HLCS: variants seen among roughly 807,000 people sequenced by gnomAD.
HLCS encodes holocarboxylase synthetase, also known as biotin--protein ligase.
HLCS carries 53 observed loss-of-function variants against 75.0 expected under a neutral mutation model. The ratio of observed to expected loss-of-function variants is 0.71; its 90% CI spans 0.57 to 0.89. The LOEUF is 0.89. HLCS is among the 40% of genes least tolerant of loss of function. The pLI is 0.00. For missense variants in HLCS, 966 were observed against 1,074.0 expected, an observed-to-expected ratio of 0.90 and a Z score of 1.41; for synonymous variants, 431 against 428.6, an observed-to-expected ratio of 1.01 and a Z score of -0.07.
chr21:36,951,283 G>A (rs188759521), intron 2 of HLCS, among the ~76,000 whole-genome samples: 1 of 152,036 alleles, frequency 6.6e-6, no homozygotes, highest in Non-Finnish European at 1.5e-5. Flanking sequence ...CCTTATCTAG[G>A]GCCATTCCCC....
At chr21:36,886,051 T>C (rs2064440438) in intron 6 of HLCS, among the ~76,000 whole-genome samples, 1 of 151,316 alleles carries the variant, frequency 6.6e-6, no homozygotes, top group East Asian at 2.0e-4. Flanking sequence ...CCAGCTTTTC[T>C]ACCATGTTAT....
intron 6 of HLCS, among the ~76,000 whole-genome samples, chr21:36,859,881 A>C (rs547969184): frequency 6.6e-6 from 1 of 152,348 alleles, no homozygotes; most frequent in Admixed American, 6.5e-5. Flanking sequence ...GGAGATGGGG[A>C]AGAAGACGGT....
At chr21:36,846,878 T>C (rs1252092769) in intron 6 of HLCS, among the ~76,000 whole-genome samples, 7 of 152,200 alleles carry the variant, frequency 4.6e-5, no homozygotes, top group African/African-American at 1.7e-4. Context: ...TTGGCTCGAT[T>C]GGTCCAACAA....
rs1395979008 is a variant in HLCS, at chr21:36,936,707, C to T, written c.1179G>A (p.Leu393=). The stretch of plus-strand genomic sequence containing the variant: ...AGCCACCAAAGGTGAAGGATGAAGA[C>T]AGGCCCAACACCTTCCCTCCCTGAG... ...YLSQGGKVLG[L]SSSFTFGGFQ... is the part of the protein sequence containing the mutation. The change falls in exon 4 of 11, where the codon CTG becomes CTA. Residue 393 remains leucine, a synonymous_variant. Transcript: ENST00000674895. The T allele has an allele frequency of 3.7e-6, 6 of 1,614,222 alleles. No individual in the cohort carries two copies. In the East Asian group the frequency reaches 1.1e-4, roughly 30 times the overall value.
chr21:36,799,693 G>A (rs933474440), intron 6 of HLCS, among the ~76,000 whole-genome samples: 19 of 152,264 alleles, frequency 1.2e-4, no homozygotes, highest in South Asian at 4.1e-4. Context: ...CTGTGTTAAC[G>A]AAGTGCTGGG....
At chr21:36,888,441 A>AT (rs2064581291) in intron 6 of HLCS, among the ~76,000 whole-genome samples, 1 of 31,548 alleles carries the variant, frequency 3.2e-5, no homozygotes, top group Non-Finnish European at 6.3e-5. Flanking sequence ...TTAAAAAAAA[A>AT]AAAAATATAT....
At chr21:36,887,561 T>C (rs2064524854) in intron 6 of HLCS, among the ~76,000 whole-genome samples, 1 of 152,162 alleles carries the variant, frequency 6.6e-6, no homozygotes, top group Non-Finnish European at 1.5e-5. Flanking sequence ...AGGTGTTGAA[T>C]TGGAACAACA....
intron 6 of HLCS, among the ~76,000 whole-genome samples, chr21:36,772,030 C>T (rs772463391): frequency 1.3e-5 from 2 of 151,170 alleles, no homozygotes; most frequent in Non-Finnish European, 3.0e-5. Flanking sequence ...AGGAAATATA[C>T]CAAAATAATA....
intron 6 of HLCS, among the ~76,000 whole-genome samples, chr21:36,816,041 T>C (rs1474470781): frequency 6.6e-6 from 1 of 152,166 alleles, no homozygotes; most frequent in Non-Finnish European, 1.5e-5. Flanking sequence ...GAAACTGTTT[T>C]TCTTTAACTC....
chr21:36,947,375 T>G (rs1471151080), intron 2 of HLCS: 1 of 985,290 alleles, frequency 1.0e-6, no homozygotes, highest in African/African-American at 1.7e-5. Flanking sequence ...CCATGAGCCA[T>G]GGACCATGCA....
rs191133915 is a variant in HLCS at position 36,887,596 on chromosome 21, C to A, written c.1892+9264G>T. Among the ~76,000 whole-genome samples the A allele has an allele frequency of 4.0e-3, 613 of 152,258 alleles. 3 individuals carry two copies. Among genetic ancestry groups the A allele is most frequent in the Middle Eastern group, 6.8e-3 (2 of 294 alleles). On this transcript the variant is annotated intron_variant, in intron 6 of 10. Transcript: ENST00000674895. ...AAAAAAAATTTGATGGAGAATTTGC[C>A]AGAATAACCCTTCAGTCACAACCGT... is the stretch of plus-strand genomic sequence containing the variant.
chr21:36,843,643 G>C (rs191634528), intron 6 of HLCS, among the ~76,000 whole-genome samples: 1 of 152,250 alleles, frequency 6.6e-6, no homozygotes, highest in Admixed American at 6.5e-5. Context: ...TGTGCGCAAA[G>C]TTATTTTAAA....
intron 5 of HLCS, among the ~76,000 whole-genome samples, chr21:36,909,304 T>C (rs896283898): frequency 6.6e-6 from 1 of 152,240 alleles, no homozygotes; most frequent in Non-Finnish European, 1.5e-5. Flanking sequence ...TACACTAAAA[T>C]GGGTGCATTT....
intron 6 of HLCS, among the ~76,000 whole-genome samples, chr21:36,806,627 G>A (rs1051302352): frequency 1.3e-5 from 2 of 152,142 alleles, no homozygotes; most frequent in Non-Finnish European, 2.9e-5. Flanking sequence ...AAAATAAAAG[G>A]GTCCCATGGT....
intron 2 of HLCS, among the ~76,000 whole-genome samples, chr21:36,961,085 T>C (rs749019308): frequency 1.3e-4 from 20 of 152,044 alleles, no homozygotes; most frequent in Non-Finnish European, 2.6e-4. Context: ...GAGGAGGAGG[T>C]GCGAGGAAAA....
intron 6 of HLCS, among the ~76,000 whole-genome samples, chr21:36,798,015 GAGA>G (rs34606135): frequency 0.021 from 3,247 of 152,304 alleles, 56 homozygotes; most frequent in Admixed American, 0.039. Flanking sequence ...GGATGGTGGG[GAGA>G]AGCCCTCTCT....
chr21:36,797,197 A>G (rs1229317184), intron 6 of HLCS, among the ~76,000 whole-genome samples: 2 of 152,120 alleles, frequency 1.3e-5, no homozygotes, highest in Non-Finnish European at 1.5e-5. Context: ...CTGCCCTGAC[A>G]TAACTCATGG....
chr21:36,756,720 TGGTAG>T lies in HLCS; in HGVS notation c.2267_2271del (p.Pro756HisfsTer12). 6.2e-7 allele frequency: 1 copy of T among 1,614,188 alleles called. No homozygotes were observed. The highest frequency in any genetic ancestry group is 8.5e-7 in the Non-Finnish European group (1 of 1,180,028). ...TCTGTGATGAGGTCGTTGATGCAGA[TGGTAG>T]GGTTACTGTTAGTCACATTAAATCC... On this transcript the variant is annotated frameshift_variant, in exon 10 of 11. Coordinates refer to ENST00000674895, the MANE Select transcript of HLCS (RefSeq NM_001352514.2). LOFTEE classifies it high-confidence loss of function.
intron 6 of HLCS, among the ~76,000 whole-genome samples, chr21:36,845,535 T>C (rs557603214): frequency 3.3e-4 from 50 of 152,254 alleles, no homozygotes; most frequent in African/African-American, 1.0e-3. Context: ...TCTCATGGTA[T>C]GCAAGGCTCA....
Sources: allele counts gnomAD v4.1 joint callset (sites outside exome capture counted in the v4.1 genomes callset), GRCh38; gene constraint gnomAD v4.1.1; transcripts MANE v1.5; gene names NCBI Gene and HGNC (gene_info 2026-07-23, HGNC 2026-07-21).